The following KCNQ3 variants were observed in gnomAD, a reference collection of about 807,000 sequenced individuals.
KCNQ3 encodes the protein potassium voltage-gated channel subfamily Q member 3.
In KCNQ3, 30 loss-of-function variants were observed where a neutral mutation model predicts 92.5. That is an observed-to-expected ratio of 0.32 (90% CI 0.24 to 0.44). The LOEUF (loss-of-function observed/expected upper bound fraction) is 0.44. KCNQ3 is among the 20% of genes least tolerant of loss of function. KCNQ3 has a pLI of 1.00. For synonymous variants in KCNQ3, 450 were observed against 468.8 expected (o/e 0.96, Z 0.52); for missense variants, 913 against 1,140.3 (o/e 0.80, Z 2.87).
chr8:132,352,177 G>A (rs1482207373), intron 1 of KCNQ3, among the ~76,000 whole-genome samples: 2 of 152,180 alleles, frequency 1.3e-5, no homozygotes, highest in African/African-American at 4.8e-5. Flanking sequence ...TTACAGAGAA[G>A]AAAGCAGCTG....
intron 9 of KCNQ3, among the ~76,000 whole-genome samples, chr8:132,154,193 GTTTTTTTTTTTT>G (rs869112851): frequency 4.7e-4 from 13 of 27,494 alleles, no homozygotes; most frequent in South Asian, 1.3e-3. Context: ...AAGGGTAAAA[GTTTTTTTTTTTT>G]TTTTTTTTTT....
chr8:132,414,724 C>A (rs1048624281), intron 1 of KCNQ3, among the ~76,000 whole-genome samples: 1 of 152,090 alleles, frequency 6.6e-6, no homozygotes, highest in East Asian at 1.9e-4. Context: ...GAAACAAAAG[C>A]GGAAGAATAG....
intron 1 of KCNQ3, among the ~76,000 whole-genome samples, chr8:132,221,600 T>C (rs1342053082): frequency 2.0e-5 from 3 of 152,244 alleles, no homozygotes; most frequent in African/African-American, 7.2e-5. Flanking sequence ...GTCTGTTGCC[T>C]GCATAAATGT....
chr8:132,368,146 C>T (rs908367490), intron 1 of KCNQ3, among the ~76,000 whole-genome samples: 1 of 152,228 alleles, frequency 6.6e-6, no homozygotes, highest in Non-Finnish European at 1.5e-5. Flanking sequence ...ATAACAAAAT[C>T]GTTTTCCTTA....
chr8:132,470,898 A>G (rs574096034), intron 1 of KCNQ3, among the ~76,000 whole-genome samples: 1 of 152,250 alleles, frequency 6.6e-6, no homozygotes, highest in South Asian at 2.1e-4. Flanking sequence ...GAATTTGTCT[A>G]TTATTTCTTT....
At chr8:132,144,740 T>C (rs1825402140) in intron 9 of KCNQ3, among the ~76,000 whole-genome samples, 1 of 152,210 alleles carries the variant, frequency 6.6e-6, no homozygotes, top group African/African-American at 2.4e-5. Flanking sequence ...GCATGTGCTG[T>C]GAACTCGACC....
At chr8:132,352,577 G>A (rs948151248) in intron 1 of KCNQ3, among the ~76,000 whole-genome samples, 1 of 152,208 alleles carries the variant, frequency 6.6e-6, no homozygotes, top group Non-Finnish European at 1.5e-5. Context: ...AGTGCTTGCA[G>A]GGAGGTGTTC....
At chr8:132,153,848 T>A (rs1025694386) in intron 9 of KCNQ3, among the ~76,000 whole-genome samples, 4 of 152,004 alleles carry the variant, frequency 2.6e-5, no homozygotes, top group African/African-American at 9.7e-5. Context: ...AATGCCTCAT[T>A]TTCCCTCCCT....
chr8:132,332,630 T>C (rs1411676194), intron 1 of KCNQ3, among the ~76,000 whole-genome samples: 1 of 152,264 alleles, frequency 6.6e-6, no homozygotes, highest in Non-Finnish European at 1.5e-5. Flanking sequence ...AATCCTTCTC[T>C]GTCCTTGTGT....
intron 1 of KCNQ3, among the ~76,000 whole-genome samples, chr8:132,231,804 C>G (rs979433755): frequency 6.6e-6 from 1 of 152,218 alleles, no homozygotes; most frequent in African/African-American, 2.4e-5. Flanking sequence ...TGCATGATGG[C>G]TCTAAGTCAC....
chr8:132,384,708 C>T (rs1274911704), intron 1 of KCNQ3, among the ~76,000 whole-genome samples: 5 of 152,170 alleles, frequency 3.3e-5, no homozygotes, highest in Non-Finnish European at 5.9e-5. Flanking sequence ...AAAGTAAGAG[C>T]AGGACTCATA....
chr8:132,180,115 T>TTTC (rs1268471343), intron 4 of KCNQ3, 42 bp downstream of exon 4: 1 of 1,608,720 alleles, frequency 6.2e-7, no homozygotes, highest in South Asian at 1.1e-5. Flanking sequence ...CATAGGTGGG[T>TTTC]GGGAAGCCCA....
intron 1 of KCNQ3, among the ~76,000 whole-genome samples, chr8:132,223,710 G>A (rs1814311754): frequency 6.6e-6 from 1 of 152,056 alleles, no homozygotes; most frequent in African/African-American, 2.4e-5. Flanking sequence ...AGTATGGTTG[G>A]ATTAATCTTA....
At chr8:132,430,937 C>T (rs1821233389) in intron 1 of KCNQ3, among the ~76,000 whole-genome samples, 1 of 152,070 alleles carries the variant, frequency 6.6e-6, no homozygotes, top group Non-Finnish European at 1.5e-5. Flanking sequence ...GCGTCCATAT[C>T]CTTCTCTGGC....
chr8:132,479,677 C>T (rs1822498021), intron 1 of KCNQ3, among the ~76,000 whole-genome samples: 1 of 146,636 alleles, frequency 6.8e-6, no homozygotes, highest in African/African-American at 2.6e-5. Flanking sequence ...ATGGGTGGTG[C>T]GCACCCCTCC....
At position 132,221,893 on chromosome 8, in the gene KCNQ3, T is replaced by TA. The variant is rs1814250495; in HGVS notation, c.387-35713dup. On this transcript the variant is annotated intron_variant, in intron 1 of 14. Coordinates refer to ENST00000388996, the MANE Select transcript of KCNQ3 (RefSeq NM_004519.4). Reference sequence around the variant, plus strand: ...GAAAACTGAAACTGGATCCCTTCCTTACACCGTATACAAAAATTAATTCAA... The same window carrying TA: ...GAAAACTGAAACTGGATCCCTTCCTTAACACCGTATACAAAAATTAATTCAA... Among the ~76,000 whole-genome samples, 4 of 152,182 alleles carry TA rather than the reference T, an allele frequency of 2.6e-5. No individual in the cohort carries two copies. In the South Asian group the frequency reaches 8.3e-4, roughly 32 times the overall value.
chr8:132,144,704 T>C (rs1825401164), intron 9 of KCNQ3, among the ~76,000 whole-genome samples: 1 of 152,234 alleles, frequency 6.6e-6, no homozygotes, highest in African/African-American at 2.4e-5. Flanking sequence ...TTCAACTCCG[T>C]GTAGTTTCTT....
At position 132,480,270 on chromosome 8, in the gene KCNQ3, A is replaced by G. The variant is rs1051073307; in HGVS notation, c.263T>C (p.Leu88Pro). Residue 88 changes from leucine (L) to proline (P), a missense_variant, in exon 1 of 15, where the codon CTG becomes CCG. Physicochemically the swap from Leu to Pro is moderately conservative, Grantham distance 98. Coordinates refer to ENST00000388996, the MANE Select transcript of KCNQ3 (RefSeq NM_004519.4). Reference sequence around the variant, plus strand: ...TGGGCGGCTCAGCGGGGTCTTGGCCAGGAGCCCGATGCCCTGCGGGGTCCT... The same window carrying G: ...TGGGCGGCTCAGCGGGGTCTTGGCCGGGAGCCCGATGCCCTGCGGGGTCCT... ...QRRTPQGIGLLAKTPLSRPVK... is the reference protein window; with the variant it reads ...QRRTPQGIGLPAKTPLSRPVK... 3.7e-6 allele frequency: 6 copies of G among 1,611,712 alleles called. No individual in the cohort carries two copies. Among genetic ancestry groups the G allele is most frequent in the Non-Finnish European group, 5.1e-6 (6 of 1,178,858 alleles).
At chr8:132,246,403 A>C (rs1815181663) in intron 1 of KCNQ3, among the ~76,000 whole-genome samples, 1 of 152,244 alleles carries the variant, frequency 6.6e-6, no homozygotes. Flanking sequence ...TTTGCAGAGA[A>C]ATATGCTGCT....
Sources: allele counts gnomAD v4.1 joint callset (sites outside exome capture counted in the v4.1 genomes callset), GRCh38; gene constraint gnomAD v4.1.1; transcripts MANE v1.5; gene names NCBI Gene and HGNC (gene_info 2026-07-23, HGNC 2026-07-21).